ARHGAP8: variants seen among roughly 807,000 people sequenced by gnomAD.
ARHGAP8 encodes the protein rho GTPase-activating protein 8.
In ARHGAP8, 62 loss-of-function variants were observed where a neutral mutation model predicts 46.1. The observed-to-expected ratio is 1.34, with a 90% CI of 1.10 to 1.66. ARHGAP8 has a LOEUF of 1.66. Among genes scored for constraint, ARHGAP8 ranks in the 40% most tolerant of loss-of-function variants. The probability of loss-of-function intolerance (pLI) is 0.00; values close to 1 mark genes in which losing one functional copy is unlikely to be tolerated. For synonymous variants in ARHGAP8, 375 were observed against 243.1 expected, an observed-to-expected ratio of 1.54 and a Z score of -5.05; for missense variants, 923 against 568.4, an observed-to-expected ratio of 1.62 and a Z score of -6.34.
rs575818925 is a variant in ARHGAP8, at chr22:44,757,104, C to T, written c.-72+4477C>T. On this transcript the variant is annotated intron_variant, in intron 1 of 11. Transcript: ENST00000356099. ...GTTAATTTTTAAATTTTTGTAGAGACGAGGTCTTGCTTTGTTGCCCAGGCT... is the reference window on the plus strand; with the variant it reads ...GTTAATTTTTAAATTTTTGTAGAGATGAGGTCTTGCTTTGTTGCCCAGGCT... Among the ~76,000 whole-genome samples, 8 of 151,968 alleles carry T rather than the reference C, an allele frequency of 5.3e-5. No individual in the cohort carries two copies. The East Asian group carries it at 1.4e-3, about 26-fold the overall frequency.
intron 1 of ARHGAP8, among the ~76,000 whole-genome samples, chr22:44,763,823 C>T (rs1264215384): frequency 6.5e-5 from 8 of 122,384 alleles, no homozygotes; most frequent in Admixed American, 3.6e-4. Context: ...TTTTTTGAGA[C>T]GGAGTCTCAA....
chr22:44,862,388 CCTGAACATGTTCA>C lies in ARHGAP8; in HGVS notation c.1102_1114del (p.Met368CysfsTer2), dbSNP rs1371192661. ...TCTCCTCCCTGAGTGCCCTTGTGCC[CCTGAACATGTTCA>C]CTGAACTGCTGATCGAGTACTATGA... is the stretch of plus-strand genomic sequence containing the variant. On this transcript the variant is annotated frameshift_variant, in exon 12 of 12. Coordinates refer to ENST00000356099, the MANE Select transcript of ARHGAP8 (RefSeq NM_181335.3). LOFTEE classifies it low-confidence loss of function (END_TRUNC). 4 of 1,614,140 alleles carry C rather than the reference CCTGAACATGTTCA, an allele frequency of 2.5e-6. No homozygotes were observed. Among genetic ancestry groups the C allele is most frequent in the African/African-American group, 1.3e-5 (1 of 75,036 alleles).
At chr22:44,796,045 T>C (rs1444349372) in intron 2 of ARHGAP8, among the ~76,000 whole-genome samples, 2 of 152,090 alleles carry the variant, frequency 1.3e-5, no homozygotes, top group Non-Finnish European at 2.9e-5. Context: ...CCAGGGTCAA[T>C]AGAAAAAGTC....
chr22:44,860,298 T>G (rs894367049), intron 11 of ARHGAP8, among the ~76,000 whole-genome samples: 1 of 152,144 alleles, frequency 6.6e-6, no homozygotes, highest in Non-Finnish European at 1.5e-5. Context: ...GTGTCACTCT[T>G]CTAGAGGCTA....
At chr22:44,819,426 C>T (rs1929971754) in intron 5 of ARHGAP8, among the ~76,000 whole-genome samples, 1 of 152,194 alleles carries the variant, frequency 6.6e-6, no homozygotes, top group East Asian at 1.9e-4. Context: ...AATCCCAGCA[C>T]TTTGGGAGGC....
intron 1 of ARHGAP8, among the ~76,000 whole-genome samples, chr22:44,771,401 C>T (rs1228723313): frequency 2.0e-5 from 3 of 151,888 alleles, no homozygotes; most frequent in Non-Finnish European, 4.4e-5. Context: ...CGCCCGCCAC[C>T]ACGCCCAGCT....
At chr22:44,834,783 G>A (rs1931171930) in intron 7 of ARHGAP8, among the ~76,000 whole-genome samples, 1 of 152,090 alleles carries the variant, frequency 6.6e-6, no homozygotes, top group Non-Finnish European at 1.5e-5. Context: ...TTTAGGGGCT[G>A]TATTGTTAGG....
chr22:44,779,242 G>T (rs935318430), intron 1 of ARHGAP8, among the ~76,000 whole-genome samples: 4 of 151,780 alleles, frequency 2.6e-5, no homozygotes, highest in African/African-American at 9.7e-5. Context: ...TGGGATTACA[G>T]GTCCCCACCA....
intron 10 of ARHGAP8, among the ~76,000 whole-genome samples, chr22:44,856,889 C>T (rs118108843): frequency 6.9e-6 from 1 of 143,978 alleles, no homozygotes; most frequent in African/African-American, 2.8e-5. Context: ...CTTTGACCAC[C>T]CTCACACAGT....
chr22:44,810,184 C>G (rs897891396), intron 4 of ARHGAP8, among the ~76,000 whole-genome samples: 1 of 151,812 alleles, frequency 6.6e-6, no homozygotes, highest in Non-Finnish European at 1.5e-5. Flanking sequence ...GCTGTGATCC[C>G]GGACCTGTCT....
At position 44,786,518 on chromosome 22, in the gene ARHGAP8, G is replaced by C; in HGVS notation, c.-10G>C. ...TGGGTGCAGTGAGGAAGAGGCCCTC[G>C]GTGGTGCCCATGGCTGGCCAGGATC... is the stretch of plus-strand genomic sequence containing the variant. On this transcript the variant is annotated 5_prime_UTR_variant, in exon 2 of 12. Transcript: ENST00000356099. The C allele has an allele frequency of 6.2e-7, 1 of 1,613,606 alleles. No individual in the cohort carries two copies. Among genetic ancestry groups the C allele is most frequent in the Non-Finnish European group, 8.5e-7 (1 of 1,179,830 alleles).
chr22:44,851,913 G>A (rs36122636), intron 10 of ARHGAP8, among the ~76,000 whole-genome samples: 8 of 152,016 alleles, frequency 5.3e-5, no homozygotes, highest in African/African-American at 1.2e-4. Context: ...AAAATGGGCC[G>A]GGTGCAGTGG....
intron 2 of ARHGAP8, among the ~76,000 whole-genome samples, chr22:44,787,860 G>C (rs1927374984): frequency 1.3e-5 from 2 of 151,172 alleles, no homozygotes; most frequent in African/African-American, 4.9e-5. Context: ...CTGTGTACAG[G>C]AGGGACAGCA....
chr22:44,774,956 G>C (rs377612265), intron 1 of ARHGAP8, among the ~76,000 whole-genome samples: 1 of 151,524 alleles, frequency 6.6e-6, no homozygotes, highest in Non-Finnish European at 1.5e-5. Context: ...TCAGCCTCCC[G>C]AGTAGCTGGG....
At chr22:44,848,735 G>C (rs1342171864) in intron 9 of ARHGAP8, among the ~76,000 whole-genome samples, 197 bp from the exon 10 acceptor site, 1 of 152,192 alleles carries the variant, frequency 6.6e-6, no homozygotes, top group Non-Finnish European at 1.5e-5. Flanking sequence ...GGAGGAGGCA[G>C]TTAGGGTAGT....
chr22:44,806,677 G>A (rs1020296200), intron 3 of ARHGAP8, among the ~76,000 whole-genome samples: 7 of 152,060 alleles, frequency 4.6e-5, no homozygotes, highest in East Asian at 3.9e-4. Context: ...CGCACAGGCC[G>A]GGCACGGTGG....
chr22:44,835,408 G>A (rs948141591), intron 7 of ARHGAP8, among the ~76,000 whole-genome samples: 21 of 151,864 alleles, frequency 1.4e-4, no homozygotes, highest in Non-Finnish European at 2.2e-4. Context: ...TCACGAGATC[G>A]AGACACTGAG....
In ARHGAP8 at chr22:44,825,432, G is replaced by A. The variant is rs371358036; in HGVS notation, c.486-51G>A. ...TCCAGCCCCACCCAGCGCCTCCGTG[G>A]CTGCCAGCTGCCCCTGCCAGGTGAG... is the stretch of plus-strand genomic sequence containing the variant. On this transcript the variant is annotated intron_variant, in intron 6 of 11. Coordinates refer to ENST00000356099, the MANE Select transcript of ARHGAP8 (RefSeq NM_181335.3). 101 of 1,572,906 alleles carry A rather than the reference G, an allele frequency of 6.4e-5. 1 individual carries two copies. The African/African-American group carries it at 1.3e-3, about 20-fold the overall frequency.
In ARHGAP8 at chr22:44,862,375, G is replaced by A. The variant is rs747174835; in HGVS notation, c.1082G>A (p.Ser361Asn). 17 of 1,614,160 alleles carry A rather than the reference G, an allele frequency of 1.1e-5. No homozygotes were observed. Among genetic ancestry groups the A allele is most frequent in the Middle Eastern group, 1.6e-4 (1 of 6,062 alleles). Residue 361 changes from serine (S) to asparagine (N), a missense_variant, in exon 12 of 12, where the codon AGT becomes AAT. By Grantham distance (46) the Ser-to-Asn change is conservative. Coordinates refer to ENST00000356099, the MANE Select transcript of ARHGAP8 (RefSeq NM_181335.3). ...CCATCCCAGGGGGTCTCCTCCCTGAGTGCCCTTGTGCCCCTGAACATGTTC... is the reference window on the plus strand; with the variant it reads ...CCATCCCAGGGGGTCTCCTCCCTGAATGCCCTTGTGCCCCTGAACATGTTC... ...IWPSQGVSSL[S>N]ALVPLNMFTE...
Sources: gnomAD v4.1 joint callset for allele counts (sites outside exome capture counted in the v4.1 genomes callset) on GRCh38, gnomAD v4.1.1 for gene constraint, MANE v1.5 for transcripts, NCBI Gene and HGNC (gene_info 2026-07-23, HGNC 2026-07-21) for gene names.